MRRF: variants seen among roughly 807,000 people sequenced by gnomAD.
MRRF encodes ribosome-recycling factor, mitochondrial.
Under a neutral mutation model 25.1 loss-of-function variants are expected in MRRF, and 18 were observed. The observed-to-expected ratio is 0.72, with a 90% CI of 0.50 to 1.06. The LOEUF is 1.06. MRRF is among the 50% of genes least tolerant of loss of function. The pLI is 0.00. For missense variants in MRRF, 323 were observed against 319.3 expected, an observed-to-expected ratio of 1.01 and a Z score of -0.09; for synonymous variants, 113 against 112.1, an observed-to-expected ratio of 1.01 and a Z score of -0.05.
intron 5 of MRRF, among the ~76,000 whole-genome samples, chr9:122,294,341 G>T (rs1353796261): frequency 1.3e-5 from 2 of 152,214 alleles, no homozygotes; most frequent in Non-Finnish European, 2.9e-5. Flanking sequence ...AAGAGTAAAT[G>T]ATCACTGTCG....
At chr9:122,268,038 T>G (rs1360746446) in intron 1 of MRRF, among the ~76,000 whole-genome samples, 1 of 152,236 alleles carries the variant, frequency 6.6e-6, no homozygotes, top group Non-Finnish European at 1.5e-5. Flanking sequence ...TGGCTCATAC[T>G]TGGGATCTCA....
intron 2 of MRRF, among the ~76,000 whole-genome samples, chr9:122,277,738 G>C (rs1440818119): frequency 1.3e-5 from 2 of 152,148 alleles, no homozygotes. Context: ...TTTTAGTAGA[G>C]ATGGTGTTTT....
chr9:122,304,816 AAG>A (rs1384338090), intron 5 of MRRF, among the ~76,000 whole-genome samples: 1 of 152,186 alleles, frequency 6.6e-6, no homozygotes, highest in African/African-American at 2.4e-5. Context: ...TAGCACCAAC[AAG>A]AGAGGAAATA....
intron 6 of MRRF, among the ~76,000 whole-genome samples, chr9:122,322,019 G>A (rs936674109): frequency 6.6e-6 from 1 of 152,098 alleles, no homozygotes; most frequent in Non-Finnish European, 1.5e-5. Flanking sequence ...GCAAAATGGG[G>A]ATAATAATAG....
At chr9:122,265,850 C>T in intron 1 of MRRF, 1 of 931,126 alleles carries the variant, frequency 1.1e-6, no homozygotes, top group Non-Finnish European at 1.5e-6. Flanking sequence ...TAAAGTGTCT[C>T]ATTCCTTCTT....
At chr9:122,309,428 A>G (rs1014378435) in intron 5 of MRRF, among the ~76,000 whole-genome samples, 19 of 151,728 alleles carry the variant, frequency 1.3e-4, no homozygotes, top group Non-Finnish European at 2.4e-4. Context: ...CCTTTTTTTC[A>G]TCCTATAAGA....
intron 2 of MRRF, among the ~76,000 whole-genome samples, chr9:122,274,228 C>A (rs1456286936): frequency 6.6e-6 from 1 of 152,164 alleles, no homozygotes; most frequent in Non-Finnish European, 1.5e-5. Flanking sequence ...AATCATATTA[C>A]CTGACTTCAA....
chr9:122,285,936 A>G (rs887960649), intron 4 of MRRF: 5 of 1,301,876 alleles, frequency 3.8e-6, no homozygotes, highest in Admixed American at 4.6e-5. Context: ...CAGTGCTTCC[A>G]AAACTGGAAG....
At chr9:122,318,481 A>G (rs1443741221) in intron 6 of MRRF, among the ~76,000 whole-genome samples, 1 of 152,212 alleles carries the variant, frequency 6.6e-6, no homozygotes, top group Non-Finnish European at 1.5e-5. Flanking sequence ...GAGCTAAAGG[A>G]GGGAAAGGCT....
intron 4 of MRRF, 146 bp from the exon 5 acceptor site, chr9:122,291,603 T>A: frequency 1.4e-6 from 1 of 705,844 alleles, no homozygotes; most frequent in East Asian, 2.6e-5. Flanking sequence ...CAAAGCACTC[T>A]ACACCAATGT....
In MRRF at chr9:122,276,322, G is replaced by T. The variant is rs541403149; in HGVS notation, c.185-4121G>T. Reference sequence around the variant, plus strand: ...TTATTTATTTTAGAGATAAGGTCTTGCTTTGTTGCCTAGGCTGGAGTGCAG... The same window carrying T: ...TTATTTATTTTAGAGATAAGGTCTTTCTTTGTTGCCTAGGCTGGAGTGCAG... On this transcript the variant is annotated intron_variant, in intron 2 of 6. Coordinates refer to ENST00000344641, the MANE Select transcript of MRRF (RefSeq NM_138777.5). Among the ~76,000 whole-genome samples, 7 of 151,808 alleles carry T rather than the reference G, an allele frequency of 4.6e-5. No homozygotes were observed. The East Asian group carries it at 1.4e-3, about 30-fold the overall frequency.
intron 5 of MRRF, 75 bp from the exon 6 acceptor site, chr9:122,313,152 C>CA: frequency 6.9e-7 from 1 of 1,442,050 alleles, no homozygotes; most frequent in African/African-American, 1.4e-5. Flanking sequence ...AACTGGTTGA[C>CA]AGAGTGATGT....
intron 4 of MRRF, 70 bp from the exon 5 acceptor site, chr9:122,291,679 T>TA: frequency 9.1e-7 from 1 of 1,096,864 alleles, no homozygotes; most frequent in Non-Finnish European, 1.4e-6. Context: ...GGTTGCCAGT[T>TA]ATCGACAGAG....
rs921823260 is a variant in MRRF at position 122,283,092 on chromosome 9, A to C, written c.341-2077A>C. On this transcript the variant is annotated intron_variant, in intron 3 of 6. Coordinates refer to ENST00000344641, the MANE Select transcript of MRRF (RefSeq NM_138777.5). ...AAAAACCCCATGAAATATAAGTACA[A>C]TTTTTTTTTTTTTTTTTTGGAGTCA... Among the ~76,000 whole-genome samples, 11 of 139,256 alleles carry C rather than the reference A, an allele frequency of 7.9e-5. No individual in the cohort carries two copies. In the East Asian group the frequency reaches 8.3e-4, roughly 10 times the overall value. 91.4% of individuals were successfully genotyped at this position (139,256 alleles called of 152,430 possible). A position where few individuals can be genotyped will look rare whatever the true frequency, so the allele number is the denominator to read the frequency against.
intron 5 of MRRF, among the ~76,000 whole-genome samples, chr9:122,296,978 A>G (rs1834126436): frequency 6.6e-6 from 1 of 152,200 alleles, no homozygotes; most frequent in African/African-American, 2.4e-5. Flanking sequence ...CGATTCCTTC[A>G]TCAGCGTCTC....
chr9:122,290,907 A>C (rs1346848706), intron 4 of MRRF, among the ~76,000 whole-genome samples: 3 of 152,340 alleles, frequency 2.0e-5, no homozygotes, highest in East Asian at 1.9e-4. Flanking sequence ...TTAGCAGTAC[A>C]TCAGCTACAT....
chr9:122,314,423 A>ATGCTTG (rs1835388980), intron 6 of MRRF, among the ~76,000 whole-genome samples: 1 of 152,224 alleles, frequency 6.6e-6, no homozygotes, highest in African/African-American at 2.4e-5. Flanking sequence ...GCCAAGCTCA[A>ATGCTTG]TATGTTTGGT....
intron 5 of MRRF, among the ~76,000 whole-genome samples, chr9:122,309,442 A>G (rs1044482458): frequency 4.3e-4 from 66 of 152,120 alleles, no homozygotes; most frequent in African/African-American, 1.5e-3. Context: ...TATAAGAGCT[A>G]TATTCTTATA....
Position 122,291,827 on chromosome 9 carries a change from G to T in MRRF, c.538G>T (p.Val180Leu). 6.2e-7 allele frequency: 1 copy of T among 1,613,014 alleles called. No homozygotes were observed. Among genetic ancestry groups the T allele is most frequent in the Non-Finnish European group, 8.5e-7 (1 of 1,178,976 alleles). Residue 180 changes from valine to leucine, a missense_variant, in exon 5 of 7, where the codon GTA (valine) becomes TTA (leucine). By Grantham distance (32) the Val-to-Leu change is conservative. Coordinates refer to ENST00000344641, the MANE Select transcript of MRRF (RefSeq NM_138777.5). ...NPEVEGTLIR[V>L]PIPQVTREHR... ...AGAAGTGGAAGGGACGCTAATTCGG[G>T]TACCCATTCCCCAGTAAGTTTGGCT...
Sources: allele counts gnomAD v4.1 joint callset (sites outside exome capture counted in the v4.1 genomes callset), GRCh38; gene constraint gnomAD v4.1.1; transcripts MANE v1.5; gene names NCBI Gene and HGNC (gene_info 2026-07-23, HGNC 2026-07-21).